FAAH2: variants seen among roughly 807,000 people sequenced by gnomAD.
FAAH2 encodes fatty acid amide hydrolase 2.
A neutral mutation model predicts 36.9 loss-of-function variants in FAAH2; 60 were observed. The observed-to-expected ratio is 1.63, with a 90% CI of 1.32 to 2.02. FAAH2 has a LOEUF of 2.02. Among genes scored for constraint, FAAH2 ranks in the 30% most tolerant of loss-of-function variants. FAAH2 has a pLI of 0.00. For synonymous variants in FAAH2, 214 were observed against 143.8 expected (o/e 1.49, Z -3.49); for missense variants, 689 against 397.5 (o/e 1.73, Z -6.23).
At chrX:57,465,902 G>T (rs1341562856) in intron 10 of FAAH2, among the ~76,000 whole-genome samples, 1 of 109,442 alleles carries the variant, frequency 9.1e-6, no homozygotes, top group Non-Finnish European at 1.9e-5. Context: ...ATAGCACAAA[G>T]GAATGGAGAA....
intron 7 of FAAH2, chrX:57,395,135 TAG>T (rs2055263579): frequency 3.7e-6 from 2 of 538,425 alleles, no homozygotes; most frequent in South Asian, 4.5e-5. Context: ...CCGTGTACAG[TAG>T]AGTCTTCATT....
chrX:57,144,457 T>C, the FAAH2 span, among the ~76,000 whole-genome samples: 8 of 110,122 alleles, frequency 7.3e-5, no homozygotes, highest in East Asian at 2.8e-4. Flanking sequence ...GGTTTTTTTT[T>C]CCCCTACTTG....
the FAAH2 span, among the ~76,000 whole-genome samples, chrX:57,234,719 G>A: frequency 9.0e-6 from 1 of 111,458 alleles, no homozygotes. Context: ...GCGGAACTCA[G>A]GAGGTAGTGT....
chrX:57,401,611 C>T (rs1446775573), intron 7 of FAAH2, among the ~76,000 whole-genome samples: 2 of 111,425 alleles, frequency 1.8e-5, no homozygotes, highest in South Asian at 3.8e-4. Flanking sequence ...TTTACTAGGC[C>T]TTGGGCTTTT....
the FAAH2 span, among the ~76,000 whole-genome samples, chrX:57,145,103 T>C: frequency 8.9e-6 from 1 of 111,879 alleles, no homozygotes; most frequent in African/African-American, 3.3e-5. Flanking sequence ...AAATGTTAGT[T>C]CTACTTTTAG....
At chrX:57,478,801 T>C (rs1208790435) in intron 10 of FAAH2, among the ~76,000 whole-genome samples, 1 of 111,716 alleles carries the variant, frequency 9.0e-6, no homozygotes, top group Admixed American at 9.5e-5. Flanking sequence ...TAGTGGTAGA[T>C]ATGTGGCATT....
the FAAH2 span, among the ~76,000 whole-genome samples, chrX:57,139,210 C>T: frequency 6.7e-3 from 750 of 111,788 alleles, 6 homozygotes; most frequent in Middle Eastern, 0.014. Flanking sequence ...GTCTTTAATC[C>T]ATTTTGATTT....
chrX:57,398,443 T>G (rs1209728480), intron 7 of FAAH2, among the ~76,000 whole-genome samples: 2 of 112,317 alleles, frequency 1.8e-5, no homozygotes, highest in Admixed American at 1.9e-4. Context: ...TCAAATATGT[T>G]TTCCAAATTT....
the FAAH2 span, among the ~76,000 whole-genome samples, chrX:57,218,146 G>C: frequency 9.0e-6 from 1 of 111,704 alleles, no homozygotes; most frequent in Non-Finnish European, 1.9e-5. Flanking sequence ...TTAGTAAACA[G>C]GGACAGTTTG....
the FAAH2 span, among the ~76,000 whole-genome samples, chrX:57,167,653 C>T: frequency 9.0e-6 from 1 of 111,398 alleles, no homozygotes; most frequent in East Asian, 2.8e-4. Context: ...ATTCCTTCTG[C>T]CAGTGTTAAG....
At chrX:57,378,809 C>T (rs2054741698) in intron 6 of FAAH2, 23 bp downstream of exon 6, 3 of 1,181,813 alleles carry the variant, frequency 2.5e-6, no homozygotes, top group South Asian at 1.8e-5. Context: ...ATTTTTATTT[C>T]CTTGGACTCT....
the FAAH2 span, among the ~76,000 whole-genome samples, chrX:57,242,458 C>T: frequency 1.8e-5 from 2 of 112,307 alleles, no homozygotes; most frequent in Non-Finnish European, 3.8e-5. Context: ...CCCATCCAGG[C>T]ATGGCTGGCA....
intron 10 of FAAH2, among the ~76,000 whole-genome samples, chrX:57,456,757 C>T (rs1280856934): frequency 1.8e-5 from 2 of 111,203 alleles, no homozygotes; most frequent in East Asian, 2.8e-4. Context: ...AAAGTGAAGA[C>T]ATGAACAGAT....
chrX:57,331,798 G>C lies in FAAH2; in HGVS notation c.613G>C (p.Gly205Arg), dbSNP rs1394287958. The C allele has an allele frequency of 8.3e-7, 1 of 1,210,262 alleles. No individual in the cohort carries two copies. Among genetic ancestry groups the C allele is most frequent in the East Asian group, 3.0e-5 (1 of 33,814 alleles). ...ATATGATTTACAGCATATTGTAGGT[G>C]GAAGTTCTGGTGAGTTGGACATTTT... Reference protein sequence around the residue: ...NPYDLQHIVGGSSGGEGCTLA... With the variant: ...NPYDLQHIVGRSSGGEGCTLA... Residue 205 changes from glycine to arginine, a missense_variant, in exon 4 of 11, where the codon GGA becomes CGA. Coordinates refer to ENST00000374900, the MANE Select transcript of FAAH2 (RefSeq NM_174912.4).
rs1479527813 is a variant in FAAH2, at chrX:57,437,468, T to C, written c.1116+5431T>C. 4.5e-5 allele frequency among the ~76,000 whole-genome samples: 5 copies of C among 109,999 alleles called. No homozygotes were observed. The Admixed American group carries it at 4.9e-4, about 11-fold the overall frequency. ...CCTGTTATCTGACTATATAATCTTA[T>C]ATCTTGAAAAACCTAAAGACTCCAA... is the stretch of plus-strand genomic sequence containing the variant. On this transcript the variant is annotated intron_variant, in intron 8 of 10. Coordinates refer to ENST00000374900, the MANE Select transcript of FAAH2 (RefSeq NM_174912.4).
At chrX:57,148,779 C>T in the FAAH2 span, among the ~76,000 whole-genome samples, 1 of 111,327 alleles carries the variant, frequency 9.0e-6, no homozygotes, top group Admixed American at 9.6e-5. Flanking sequence ...TTGTTCTGGC[C>T]AGAACTTCCA....
chrX:57,459,000 G>A (rs894875518), intron 10 of FAAH2, among the ~76,000 whole-genome samples: 2 of 111,838 alleles, frequency 1.8e-5, no homozygotes, highest in Non-Finnish European at 3.8e-5. Flanking sequence ...AAGAGGGAAA[G>A]GGGGCTGAAG....
At chrX:57,257,760 T>C in the FAAH2 span, among the ~76,000 whole-genome samples, 2 of 110,679 alleles carry the variant, frequency 1.8e-5, no homozygotes, top group Non-Finnish European at 3.8e-5. Context: ...AGAAACAAAT[T>C]TAACCAAGGA....
intron 7 of FAAH2, among the ~76,000 whole-genome samples, chrX:57,428,638 GAAAAC>G (rs2056219050): frequency 8.9e-6 from 1 of 111,930 alleles, no homozygotes. Context: ...GATAGGCTGT[GAAAAC>G]AACATCCTAT....
Sources: allele counts gnomAD v4.1 joint callset (sites outside exome capture counted in the v4.1 genomes callset), GRCh38; gene constraint gnomAD v4.1.1; transcripts MANE v1.5; gene names NCBI Gene and HGNC (gene_info 2026-07-23, HGNC 2026-07-21).